COL4A6: variants seen among roughly 807,000 people sequenced by gnomAD.
COL4A6 encodes the protein collagen alpha-6(IV) chain.
In COL4A6, 59 loss-of-function variants were observed where a neutral mutation model predicts 126.7. The observed-to-expected ratio is 0.47, with a 90% CI of 0.38 to 0.58. The LOEUF (loss-of-function observed/expected upper bound fraction) is 0.58. Among genes scored for constraint, COL4A6 ranks in the 20% least tolerant of loss-of-function variants. The probability of loss-of-function intolerance (pLI) is 0.00; values close to 1 mark genes in which losing one functional copy is unlikely to be tolerated. For missense variants in COL4A6, 1,285 were observed against 1,337.3 expected (o/e 0.96, Z 0.61); for synonymous variants, 547 against 496.6 (o/e 1.10, Z -1.35).
intron 3 of COL4A6, among the ~76,000 whole-genome samples, chrX:108,283,331 G>C (rs2037904320): frequency 9.0e-6 from 1 of 110,752 alleles, no homozygotes. Context: ...TTATAAGATG[G>C]ACTGTTTACT....
At chrX:108,229,638 T>C (rs1008994429) in intron 3 of COL4A6, among the ~76,000 whole-genome samples, 2 of 112,749 alleles carry the variant, frequency 1.8e-5, no homozygotes, top group African/African-American at 6.4e-5. Context: ...AAATGTGCAA[T>C]AAAAGTTATT....
intron 37 of COL4A6, 116 bp from the exon 38 acceptor site, chrX:108,165,602 C>A: frequency 2.2e-6 from 1 of 461,947 alleles, no homozygotes; most frequent in African/African-American, 2.5e-5. Context: ...AGGTAGGAGC[C>A]AGACCAGAGA....
chrX:108,347,885 A>G (rs2039745413), intron 2 of COL4A6, among the ~76,000 whole-genome samples: 1 of 109,458 alleles, frequency 9.1e-6, no homozygotes, highest in Non-Finnish European at 1.9e-5. Context: ...GGAGGGCAGA[A>G]GAAAACCCAT....
intron 2 of COL4A6, among the ~76,000 whole-genome samples, chrX:108,336,964 A>C (rs2039445719): frequency 9.1e-6 from 1 of 110,314 alleles, no homozygotes; most frequent in African/African-American, 3.3e-5. Context: ...CACCAATTCA[A>C]ATTTTGCCCA....
intron 2 of COL4A6, among the ~76,000 whole-genome samples, chrX:108,336,621 TA>T (rs1224046150): frequency 9.0e-6 from 1 of 111,162 alleles, no homozygotes; most frequent in Non-Finnish European, 1.9e-5. Flanking sequence ...TTTAAATGGT[TA>T]AAATGGTAAA....
intron 40 of COL4A6, chrX:108,163,536 T>C (rs191029669): frequency 1.1e-4 from 12 of 114,240 alleles, no homozygotes; most frequent in Admixed American, 1.9e-4. Context: ...CCCCAGTGCT[T>C]ATTATATGCC....
chrX:108,383,806 C>A, intron 2 of COL4A6: 1 of 505,960 alleles, frequency 2.0e-6, no homozygotes, highest in Non-Finnish European at 3.6e-6. Flanking sequence ...AAACTCAAAA[C>A]AATATGAGAT....
chrX:108,215,380 G>A (rs1207887703), intron 5 of COL4A6, among the ~76,000 whole-genome samples: 1 of 111,986 alleles, frequency 8.9e-6, no homozygotes, highest in African/African-American at 3.2e-5. Context: ...CTGTGCCTCT[G>A]CAGACTCAGG....
At chrX:108,328,209 A>G (rs1332311374) in intron 2 of COL4A6, among the ~76,000 whole-genome samples, 2 of 111,216 alleles carry the variant, frequency 1.8e-5, no homozygotes, top group Non-Finnish European at 3.8e-5. Context: ...AACATTTGCA[A>G]CTCCCAGTGA....
chrX:108,205,396 G>A (rs946760878), intron 11 of COL4A6, 43 bp downstream of exon 11: 5 of 1,032,715 alleles, frequency 4.8e-6, no homozygotes, highest in Non-Finnish European at 6.8e-6. Flanking sequence ...CACATTTCTT[G>A]CAGCATATGG....
At chrX:108,436,360 G>C (rs1431916125) in intron 2 of COL4A6, among the ~76,000 whole-genome samples, 1 of 112,519 alleles carries the variant, frequency 8.9e-6, no homozygotes, top group Non-Finnish European at 1.9e-5. Context: ...AGAATTGCAA[G>C]CATTAAAGTG....
intron 22 of COL4A6, 94 bp from the exon 23 acceptor site, chrX:108,187,373 A>G: frequency 4.1e-6 from 3 of 735,015 alleles, no homozygotes; most frequent in African/African-American, 2.1e-5. Flanking sequence ...AGTGTGACCA[A>G]TGCTTTGTGT....
intron 2 of COL4A6, among the ~76,000 whole-genome samples, chrX:108,381,653 C>T (rs1382620073): frequency 2.7e-5 from 3 of 111,268 alleles, no homozygotes; most frequent in Non-Finnish European, 5.7e-5. Context: ...TGAGGTAATA[C>T]ATATAAACAA....
chrX:108,177,916 G>T (rs2034550711), intron 27 of COL4A6, among the ~76,000 whole-genome samples: 1 of 111,734 alleles, frequency 8.9e-6, no homozygotes, highest in Admixed American at 9.5e-5. Flanking sequence ...TGTAAGCAAG[G>T]CCATGTTATA....
chrX:108,285,554 AT>A (rs781647105), intron 3 of COL4A6, among the ~76,000 whole-genome samples: 4 of 111,135 alleles, frequency 3.6e-5, no homozygotes, highest in Non-Finnish European at 7.6e-5. Context: ...CTTCCTGCAG[AT>A]TTTTTTTGGG....
chrX:108,190,981 C>T (rs181361439), intron 19 of COL4A6, among the ~76,000 whole-genome samples: 28 of 111,949 alleles, frequency 2.5e-4, no homozygotes, highest in African/African-American at 7.1e-4. Context: ...GCAGCCACCT[C>T]GAGGGTCCAG....
intron 2 of COL4A6, among the ~76,000 whole-genome samples, chrX:108,415,219 T>C (rs1485082928): frequency 8.9e-6 from 1 of 112,137 alleles, no homozygotes; most frequent in Non-Finnish European, 1.9e-5. Flanking sequence ...CAGTAAGCCA[T>C]TGTTTCATGT....
intron 3 of COL4A6, among the ~76,000 whole-genome samples, chrX:108,272,180 T>C (rs2037469147): frequency 8.9e-6 from 1 of 111,781 alleles, no homozygotes; most frequent in Non-Finnish European, 1.9e-5. Flanking sequence ...ATGATTTGCT[T>C]ACTGTAACAG....
intron 23 of COL4A6, among the ~76,000 whole-genome samples, chrX:108,184,199 G>T (rs910539523): frequency 1.8e-5 from 2 of 112,281 alleles, no homozygotes; most frequent in Non-Finnish European, 3.8e-5. Flanking sequence ...GGGACCACAG[G>T]TTATTTGTTT....
Sources: gnomAD v4.1 joint callset for allele counts (sites outside exome capture counted in the v4.1 genomes callset) on GRCh38, gnomAD v4.1.1 for gene constraint, MANE v1.5 for transcripts, NCBI Gene and HGNC (gene_info 2026-07-23, HGNC 2026-07-21) for gene names.